The following TRPC3 variants were observed in gnomAD, a reference collection of about 807,000 sequenced individuals.
The protein encoded by TRPC3 is transient receptor potential cation channel subfamily C member 3, also known as short transient receptor potential channel 3.
TRPC3 carries 54 observed loss-of-function variants against 90.9 expected under a neutral mutation model. The observed-to-expected ratio is 0.59, with a 90% CI of 0.48 to 0.75. The LOEUF (loss-of-function observed/expected upper bound fraction) is 0.75, where lower values mean the gene tolerates loss of function less well. Among genes scored for constraint, TRPC3 ranks in the 30% least tolerant of loss-of-function variants. The pLI, the probability that TRPC3 is intolerant of heterozygous loss-of-function variation, is 0.00. For missense variants in TRPC3, 918 were observed against 1,194.5 expected (o/e 0.77, Z 3.41); for synonymous variants, 424 against 450.9 (o/e 0.94, Z 0.75).
Position 121,932,398 on chromosome 4 carries a change from C to G in TRPC3, c.860G>C (p.Arg287Thr), listed in dbSNP as rs773166832. ...RHDSFSHSRS[R>T]INAYKGLASP... ...GGCCAGCCCCTTGTAGGCATTGATC[C>G]TCGAGCGTGAGTGGCTGAAGGAGTC... is the stretch of plus-strand genomic sequence containing the variant. Residue 287 changes from arginine to threonine, a missense_variant, in exon 2 of 12, where the codon AGG (arginine) becomes ACG (threonine). Arg to Thr is a moderately conservative substitution (Grantham distance 71, BLOSUM62 -1). This residue lies in a region of TRPC3 where 609 missense variants were observed against 725.9 expected (regional missense o/e 0.84). Transcript: ENST00000379645. This position sits in a 1 kb window ranked among gnomAD's most constrained non-coding sequence, Gnocchi z 7.7. 1 of 1,614,172 alleles carries G rather than the reference C, an allele frequency of 6.2e-7. No individual in the cohort carries two copies. Among genetic ancestry groups the G allele is most frequent in the South Asian group, 1.1e-5 (1 of 91,078 alleles).
Position 121,904,212 on chromosome 4 carries a change from T to C in TRPC3, c.2253+110A>G, listed in dbSNP as rs1728804840. ...GAAAGGCTCAGGCTCTGTGTGGATA[T>C]AAGCCTCTTTGTTACATGAGCTGGA... On this transcript the variant is annotated intron_variant, in intron 8 of 11. Coordinates refer to ENST00000379645, the MANE Select transcript of TRPC3 (RefSeq NM_001130698.2). 5.4e-6 allele frequency: 5 copies of C among 922,472 alleles called. No individual in the cohort carries two copies. In the Admixed American group the frequency reaches 9.7e-5, roughly 18 times the overall value. The allele number at this position is 922,472 out of a possible 1,614,324, so 57.1% of individuals were successfully genotyped here.
intron 10 of TRPC3, among the ~76,000 whole-genome samples, chr4:121,897,483 A>AAAAAAAAAAAAAAAAAAAAAAAAAAAAAG (rs1728557726): frequency 8.3e-6 from 1 of 120,658 alleles, no homozygotes; most frequent in Non-Finnish European, 1.8e-5. Flanking sequence ...AAAAAAAAAA[A>AAAAAAAAAAAAAAAAAAAAAAAAAAAAAG]AAAAAAAAAT....
chr4:121,924,910 C>G, intron 3 of TRPC3, 108 bp downstream of exon 3: 1 of 1,228,088 alleles, frequency 8.1e-7, no homozygotes, highest in Non-Finnish European at 1.1e-6. Context: ...TGTTGCCCAG[C>G]CTACTAGCGT....
rs547168739 is a variant in TRPC3 at position 121,924,921 on chromosome 4, CTA to C, written c.1176+95_1176+96del. 1,217 of 1,342,026 alleles carry C rather than the reference CTA, an allele frequency of 9.1e-4. 13 individuals carry two copies. In the African/African-American group the frequency reaches 0.015, roughly 16 times the overall value. 83.1% of individuals were successfully genotyped at this position (1,342,026 alleles called of 1,614,324 possible). A position where few individuals can be genotyped will look rare whatever the true frequency, so the allele number is the denominator to read the frequency against. On this transcript the variant is annotated intron_variant, in intron 3 of 11. Coordinates refer to ENST00000379645, the MANE Select transcript of TRPC3 (RefSeq NM_001130698.2). ...ATTATGTTGCCCAGCCTACTAGCGT[CTA>C]GTCTTATTATTTTAATAATTTTCCT...
chr4:121,898,213 C>T (rs1728584110), intron 10 of TRPC3, among the ~76,000 whole-genome samples: 1 of 152,040 alleles, frequency 6.6e-6, no homozygotes, highest in South Asian at 2.1e-4. Context: ...ACAAAATTAC[C>T]GCTAGATAGG....
At position 121,876,884 on chromosome 4, in the gene TRPC3, G is replaced by A. The variant is rs1428600371; in HGVS notation, c.*2852C>T. On this transcript the variant is annotated 3_prime_UTR_variant, in exon 12 of 12. Coordinates refer to ENST00000379645, the MANE Select transcript of TRPC3 (RefSeq NM_001130698.2). The stretch of plus-strand genomic sequence containing the variant: ...TGCTTTCTTTTCTTTATCTGTAAAT[G>A]AGAAAAAAATAAGAATAGCAAAGAG... 6.6e-6 allele frequency among the ~76,000 whole-genome samples: 1 copy of A among 152,068 alleles called. No homozygotes were observed. The highest frequency in any genetic ancestry group is 1.9e-4 in the East Asian group (1 of 5,194).
At chr4:121,947,014 C>T (rs1251103895) in intron 1 of TRPC3, among the ~76,000 whole-genome samples, 4 of 151,146 alleles carry the variant, frequency 2.6e-5, no homozygotes, top group Non-Finnish European at 4.4e-5. Context: ...GAGACCTCAT[C>T]GATACAAAAA....
intron 3 of TRPC3, among the ~76,000 whole-genome samples, chr4:121,919,110 C>A (rs767695706): frequency 3.3e-5 from 5 of 152,326 alleles, no homozygotes; most frequent in Non-Finnish European, 4.4e-5. Flanking sequence ...CTCAATCTTT[C>A]AATTGGACAA....
At chr4:121,903,832 C>T (rs1410221674) in intron 8 of TRPC3, among the ~76,000 whole-genome samples, 1 of 152,088 alleles carries the variant, frequency 6.6e-6, no homozygotes, top group Non-Finnish European at 1.5e-5. Flanking sequence ...ATACTGAAAA[C>T]TGAACTGAAG....
At chr4:121,950,692 AAG>A (rs1196440772) in intron 1 of TRPC3, 7 of 152,380 alleles carry the variant, frequency 4.6e-5, no homozygotes, top group East Asian at 3.9e-4. Context: ...GAAAGAAAGA[AAG>A]AGAAAAAGAG....
chr4:121,936,416 G>C (rs1403204701), intron 1 of TRPC3, among the ~76,000 whole-genome samples: 1 of 152,192 alleles, frequency 6.6e-6, no homozygotes, highest in African/African-American at 2.4e-5. Context: ...TCAACACCGC[G>C]AGAGTGCATT....
intron 10 of TRPC3, among the ~76,000 whole-genome samples, chr4:121,894,559 T>TTTG (rs1165707797): frequency 2.3e-5 from 3 of 128,762 alleles, no homozygotes; most frequent in East Asian, 2.2e-4. Context: ...CATTCTGTTT[T>TTTG]TTTTTTTTTT....
At chr4:121,938,456 C>T (rs553901238) in intron 1 of TRPC3, among the ~76,000 whole-genome samples, 11 of 152,312 alleles carry the variant, frequency 7.2e-5, no homozygotes, top group African/African-American at 2.6e-4. Flanking sequence ...TTCTCATTGC[C>T]AGCACCAGCC....
intron 3 of TRPC3, 62 bp downstream of exon 3, chr4:121,924,956 T>C (rs1315585832): frequency 4.0e-6 from 6 of 1,501,132 alleles, no homozygotes; most frequent in Non-Finnish European, 5.4e-6. Context: ...CCTAGGATTA[T>C]GGCATAGTTT....
chr4:121,907,781 A>G (rs912940311), intron 6 of TRPC3, among the ~76,000 whole-genome samples: 3 of 152,150 alleles, frequency 2.0e-5, no homozygotes, highest in Non-Finnish European at 2.9e-5. Flanking sequence ...CACTATTATA[A>G]AGATACTAAG....
intron 8 of TRPC3, 37 bp downstream of exon 8, chr4:121,904,285 G>A (rs748207845): frequency 1.1e-5 from 17 of 1,557,486 alleles, no homozygotes; most frequent in Non-Finnish European, 9.6e-6. Context: ...AGAATAGGAT[G>A]ACAAGGATAG....
At chr4:121,938,521 T>C (rs1446874349) in intron 1 of TRPC3, among the ~76,000 whole-genome samples, 1 of 152,210 alleles carries the variant, frequency 6.6e-6, no homozygotes, top group African/African-American at 2.4e-5. Flanking sequence ...CCAGCAGAGA[T>C]GGCATGAAGG....
At position 121,941,803 on chromosome 4, in the gene TRPC3, T is replaced by C. The variant is rs946491704; in HGVS notation, c.216-8761A>G. ...TTAATAATATCATCAAAAACACACA[T>C]TTTGAACATCTCTTAATATATATTT... On this transcript the variant is annotated intron_variant, in intron 1 of 11. Transcript: ENST00000379645. Among the ~76,000 whole-genome samples, 5 of 152,128 alleles carry C rather than the reference T, an allele frequency of 3.3e-5. No homozygotes were observed. In the East Asian group the frequency reaches 5.8e-4, roughly 18 times the overall value.
rs1388141716 is a variant in TRPC3 at position 121,912,015 on chromosome 4, C to T, written c.1420G>A (p.Val474Met). ...ASFIIFLGLLVFNASDRFEGI... is the reference protein window; with the variant it reads ...ASFIIFLGLLMFNASDRFEGI... ...TCGAACCTGTCTGAGGCATTGAACACAAGCAGACCCAGGAAGATGATGAAA... is the reference window on the plus strand; with the variant it reads ...TCGAACCTGTCTGAGGCATTGAACATAAGCAGACCCAGGAAGATGATGAAA... Residue 474 changes from valine (V) to methionine (M), a missense_variant, in exon 5 of 12, where the codon GTG becomes ATG. This residue lies in a region of TRPC3 where 609 missense variants were observed against 725.9 expected (regional missense o/e 0.84). Coordinates refer to ENST00000379645, the MANE Select transcript of TRPC3 (RefSeq NM_001130698.2). The T allele has an allele frequency of 1.9e-6, 3 of 1,613,762 alleles. No individual in the cohort carries two copies. The highest frequency in any genetic ancestry group is 1.3e-5 in the African/African-American group (1 of 74,880).
Sources: gnomAD v4.1 joint callset for allele counts (sites outside exome capture counted in the v4.1 genomes callset) on GRCh38, gnomAD v4.1.1 for gene constraint, gnomAD v4.1.1 regional missense constraint, Gnocchi (gnomAD v3.1) non-coding constraint, MANE v1.5 for transcripts, NCBI Gene and HGNC (gene_info 2026-07-23, HGNC 2026-07-21) for gene names.